The following C19orf44 variants were observed in gnomAD, a reference collection of about 807,000 sequenced individuals.
The protein encoded by C19orf44 is chromosome 19 open reading frame 44.
Under a neutral mutation model 50.7 loss-of-function variants are expected in C19orf44, and 43 were observed. That is an observed-to-expected ratio of 0.85 (90% CI 0.66 to 1.09). C19orf44 has a LOEUF of 1.09. Among genes scored for constraint, C19orf44 ranks in the 50% least tolerant of loss-of-function variants. The probability of loss-of-function intolerance (pLI) is 0.00; values close to 1 mark genes in which losing one functional copy is unlikely to be tolerated. For synonymous variants in C19orf44, 298 were observed against 334.7 expected (o/e 0.89, Z 1.20); for missense variants, 722 against 836.2 (o/e 0.86, Z 1.68).
chr19:16,514,317 G>C (rs527819119), intron 6 of C19orf44, among the ~76,000 whole-genome samples, 180 bp from the exon 7 acceptor site: 2 of 151,676 alleles, frequency 1.3e-5, no homozygotes, highest in African/African-American at 4.8e-5. Context: ...CCAGGAGTTC[G>C]AGGCTGCAGT....
intron 3 of C19orf44, among the ~76,000 whole-genome samples, chr19:16,505,222 GT>G (rs1033630282): frequency 2.3e-4 from 30 of 130,924 alleles, no homozygotes; most frequent in Non-Finnish European, 3.3e-4. Context: ...TCTTCTGTCT[GT>G]TTTTTTTTTG....
chr19:16,514,548 A>G lies in C19orf44; in HGVS notation c.1787A>G (p.Gln596Arg), dbSNP rs2093466430. ...AVLALHDVLK[Q>R]QLSLTQQFIQ... is the part of the protein sequence containing the mutation. ...CTGGCACTCCATGATGTGCTGAAGC[A>G]GCAGCTGAGCCTGACGCAGCAGTTC... The change falls in exon 7 of 9, where the codon CAG becomes CGG. Residue 596 changes from glutamine (Q) to arginine (R), a missense_variant. Physicochemically the swap from Gln to Arg is conservative, Grantham distance 43. Transcript: ENST00000221671. 2 of 1,611,750 alleles carry G rather than the reference A, an allele frequency of 1.2e-6. No homozygotes were observed. The highest frequency in any genetic ancestry group is 1.1e-5 in the South Asian group (1 of 90,952).
At chr19:16,497,979 T>G (rs767066804) in intron 1 of C19orf44, among the ~76,000 whole-genome samples, 79 of 151,928 alleles carry the variant, frequency 5.2e-4, no homozygotes, top group African/African-American at 1.7e-3. Flanking sequence ...TGGCAATGTG[T>G]GTCTGTAGTC....
At chr19:16,515,176 A>G (rs2093468237) in intron 7 of C19orf44, among the ~76,000 whole-genome samples, 1 of 152,148 alleles carries the variant, frequency 6.6e-6, no homozygotes, top group African/African-American at 2.4e-5. Flanking sequence ...AGCCCGGCCA[A>G]CGTGGTGAAG....
At position 16,520,617 on chromosome 19, in the gene C19orf44, T is replaced by C. The variant is rs936804084; in HGVS notation, c.*564T>C. On this transcript the variant is annotated 3_prime_UTR_variant, in exon 9 of 9. Transcript: ENST00000221671. This position sits in a 1 kb window ranked among gnomAD's most constrained non-coding sequence, Gnocchi z 4.0. ...CAGATGCAGGGGCTCTGGCTGTGGA[T>C]GTGGCGCCATAGCCACAGCAACGGT... 11 of 1,325,152 alleles carry C rather than the reference T, an allele frequency of 8.3e-6. No homozygotes were observed. Among genetic ancestry groups the C allele is most frequent in the Admixed American group, 5.9e-5 (3 of 51,096 alleles). The allele number at this position is 1,325,152 out of a possible 1,614,324, so 82.1% of individuals were successfully genotyped here.
chr19:16,500,406 G>A (rs1179843488), intron 1 of C19orf44, among the ~76,000 whole-genome samples: 1 of 150,236 alleles, frequency 6.7e-6, no homozygotes, highest in Non-Finnish European at 1.5e-5. Flanking sequence ...AGGCTAGAGT[G>A]CAGTGGCAGG....
At position 16,501,469 on chromosome 19, in the gene C19orf44, TGGA is replaced by T. The variant is rs777482076; in HGVS notation, c.678_680del (p.Met226_Asp227delinsIle). 3.1e-6 allele frequency: 5 copies of T among 1,612,232 alleles called. No homozygotes were observed. Among genetic ancestry groups the T allele is most frequent in the Non-Finnish European group, 4.2e-6 (5 of 1,179,470 alleles). On this transcript the variant is annotated inframe_deletion, in exon 2 of 9. Transcript: ENST00000221671. ...ATGAAAGTATTGCTAGGAAGCTTGA[TGGA>T]CTCTTCTAGAGAAAAAAACACGAAT...
chr19:16,515,902 T>C (rs905683747), intron 7 of C19orf44, among the ~76,000 whole-genome samples: 2 of 152,130 alleles, frequency 1.3e-5, no homozygotes. Flanking sequence ...GTTCAAGTGA[T>C]TCTCTTACCT....
At position 16,514,438 on chromosome 19, in the gene C19orf44, G is replaced by A. The variant is rs933708583; in HGVS notation, c.1736-59G>A. ...AGCCTGGCACCTGAGCGGTGGGGGGGGGGCTGCAGAATTTGTGGGGCCCCA... is the reference window on the plus strand; with the variant it reads ...AGCCTGGCACCTGAGCGGTGGGGGGAGGGCTGCAGAATTTGTGGGGCCCCA... On this transcript the variant is annotated intron_variant, in intron 6 of 8. Coordinates refer to ENST00000221671, the MANE Select transcript of C19orf44 (RefSeq NM_032207.4). 2.7e-6 allele frequency: 4 copies of A among 1,488,664 alleles called. No individual in the cohort carries two copies. In the African/African-American group the frequency reaches 5.7e-5, roughly 21 times the overall value. 92.2% of individuals were successfully genotyped at this position (1,488,664 alleles called of 1,614,324 possible).
At chr19:16,504,569 C>T (rs2122187743) in intron 3 of C19orf44, among the ~76,000 whole-genome samples, 1 of 151,952 alleles carries the variant, frequency 6.6e-6, no homozygotes, top group South Asian at 2.1e-4. Context: ...GCTAATCTGT[C>T]TAGACCAGGG....
In C19orf44 at chr19:16,519,542, G is replaced by C; in HGVS notation, c.*41-552G>C. The C allele has an allele frequency of 7.3e-7, 1 of 1,374,588 alleles. No homozygotes were observed. Among genetic ancestry groups the C allele is most frequent in the Non-Finnish European group, 1.0e-6 (1 of 965,476 alleles). The allele number at this position is 1,374,588 out of a possible 1,614,324, so 85.1% of individuals were successfully genotyped here. A position where few individuals can be genotyped will look rare whatever the true frequency, so the allele number is the denominator to read the frequency against. ...CTCCATCCATCCCCACATGCACTGA[G>C]GAAGAGAAAGCGCTGGTGACTCCCG... On this transcript the variant is annotated intron_variant, in intron 8 of 8. Coordinates refer to ENST00000221671, the MANE Select transcript of C19orf44 (RefSeq NM_032207.4). The surrounding 1 kb of genome is among the most constrained non-coding windows in gnomAD (Gnocchi z 6.0).
chr19:16,498,278 G>A (rs976826048), intron 1 of C19orf44, among the ~76,000 whole-genome samples: 9 of 152,006 alleles, frequency 5.9e-5, no homozygotes, highest in Admixed American at 3.3e-4. Context: ...ACATATGAGG[G>A]TTCCAATTTC....
At position 16,519,096 on chromosome 19, in the gene C19orf44, G is replaced by T; in HGVS notation, c.*41-998G>T. The T allele has an allele frequency of 6.9e-7, 1 of 1,446,010 alleles. No individual in the cohort carries two copies. The highest frequency in any genetic ancestry group is 9.5e-7 in the Non-Finnish European group (1 of 1,055,148). The allele number at this position is 1,446,010 out of a possible 1,614,324, so 89.6% of individuals were successfully genotyped here. The stretch of plus-strand genomic sequence containing the variant: ...CTGTCACTGCAATCTTCCTCTGCCA[G>T]TCAGCCAGGAAGGTCCCACAGCCGG... On this transcript the variant is annotated intron_variant, in intron 8 of 8. Transcript: ENST00000221671. The surrounding 1 kb of genome is among the most constrained non-coding windows in gnomAD (Gnocchi z 6.0).
intron 5 of C19orf44, among the ~76,000 whole-genome samples, chr19:16,510,936 A>G (rs1203195463): frequency 2.0e-5 from 3 of 151,858 alleles, no homozygotes; most frequent in African/African-American, 7.3e-5. Context: ...GGGTCTTGCC[A>G]TATTGCCCAG....
chr19:16,516,372 G>T (rs542863796), intron 7 of C19orf44, among the ~76,000 whole-genome samples: 5 of 152,260 alleles, frequency 3.3e-5, no homozygotes, highest in Middle Eastern at 3.4e-3. Context: ...TTGAGCTGGG[G>T]AGGTTGAGGC....
At chr19:16,518,005 C>T (rs1048007564) in intron 8 of C19orf44, 1 of 152,254 alleles carries the variant, frequency 6.6e-6, no homozygotes, top group East Asian at 1.9e-4. Context: ...TTCACAGCTA[C>T]AGGAAATCTA....
At chr19:16,497,352 C>CTTTTTTTTTT in intron 1 of C19orf44, among the ~76,000 whole-genome samples, 1 of 127,034 alleles carries the variant, frequency 7.9e-6, no homozygotes, top group Non-Finnish European at 1.6e-5. Context: ...TTTTTCTTTC[C>CTTTTTTTTTT]TTTTTTTTTT....
intron 4 of C19orf44, among the ~76,000 whole-genome samples, chr19:16,509,205 T>C (rs898768245): frequency 2.0e-5 from 3 of 152,082 alleles, no homozygotes; most frequent in African/African-American, 7.2e-5. Context: ...GCTCAAAGGA[T>C]CCTACCGCCT....
Position 16,519,885 on chromosome 19 carries a change from G to T in C19orf44, c.*41-209G>T. On this transcript the variant is annotated intron_variant, in intron 8 of 8. Coordinates refer to ENST00000221671, the MANE Select transcript of C19orf44 (RefSeq NM_032207.4). This position sits in a 1 kb window ranked among gnomAD's most constrained non-coding sequence, Gnocchi z 6.0. ...TTATCCTGTCTCAGCTAGATAAGGG[G>T]GCTCCAGACGCTGGCCCCCACCCCA... 1 of 686,224 alleles carries T rather than the reference G, an allele frequency of 1.5e-6. No homozygotes were observed. 42.5% of individuals were successfully genotyped at this position (686,224 alleles called of 1,614,324 possible).
Sources: gnomAD v4.1 joint callset for allele counts (sites outside exome capture counted in the v4.1 genomes callset) on GRCh38, gnomAD v4.1.1 for gene constraint, Gnocchi (gnomAD v3.1) non-coding constraint, MANE v1.5 for transcripts, NCBI Gene and HGNC (gene_info 2026-07-23, HGNC 2026-07-21) for gene names.